The following CEP128 variants were observed in gnomAD, a reference collection of about 807,000 sequenced individuals.
CEP128 encodes centrosomal protein 128kDa.
In CEP128, 132 loss-of-function variants were observed where a neutral mutation model predicts 156.7. The ratio of observed to expected loss-of-function variants is 0.84; its 90% confidence interval spans 0.73 to 0.97. The LOEUF (loss-of-function observed/expected upper bound fraction) is 0.97, where lower values mean the gene tolerates loss of function less well. Among genes scored for constraint, CEP128 ranks in the 50% least tolerant of loss-of-function variants. CEP128 has a pLI of 0.00. For missense variants in CEP128, 1,252 were observed against 1,281.9 expected, an observed-to-expected ratio of 0.98 and a Z score of 0.36; for synonymous variants, 469 against 448.9, an observed-to-expected ratio of 1.04 and a Z score of -0.57.
intron 19 of CEP128, among the ~76,000 whole-genome samples, chr14:80,613,175 T>G (rs1268459467): frequency 6.6e-6 from 1 of 151,820 alleles, no homozygotes; most frequent in African/African-American, 2.4e-5. Flanking sequence ...TCCAAAAGTT[T>G]AGAAATAAAA....
At chr14:80,646,169 C>T (rs1380928623) in intron 19 of CEP128, among the ~76,000 whole-genome samples, 1 of 152,008 alleles carries the variant, frequency 6.6e-6, no homozygotes, top group Non-Finnish European at 1.5e-5. Flanking sequence ...ACGTAAAACG[C>T]CAAGAATGAA....
chr14:80,829,045 C>A (rs1039331814), intron 13 of CEP128, among the ~76,000 whole-genome samples: 1 of 152,004 alleles, frequency 6.6e-6, no homozygotes. Flanking sequence ...AAAGTCTGCA[C>A]GAAACATGAC....
chr14:80,705,039 T>C (rs1897194761), intron 19 of CEP128, among the ~76,000 whole-genome samples: 2 of 152,018 alleles, frequency 1.3e-5, no homozygotes, highest in South Asian at 2.1e-4. Flanking sequence ...TTTCAGTATA[T>C]ATTTCTAAAA....
chr14:80,794,993 CA>C (rs1448836061), intron 13 of CEP128, among the ~76,000 whole-genome samples: 1 of 152,180 alleles, frequency 6.6e-6, no homozygotes, highest in Non-Finnish European at 1.5e-5. Context: ...AATCCCAACA[CA>C]AATCTAAAAT....
At chr14:80,537,633 A>G (rs1424698088) in intron 21 of CEP128, among the ~76,000 whole-genome samples, 2 of 152,208 alleles carry the variant, frequency 1.3e-5, no homozygotes, top group African/African-American at 2.4e-5. Flanking sequence ...TGAACATAAA[A>G]TGTACTCACA....
intron 16 of CEP128, among the ~76,000 whole-genome samples, chr14:80,772,073 G>A (rs551001335): frequency 2.0e-5 from 3 of 152,142 alleles, no homozygotes; most frequent in Non-Finnish European, 4.4e-5. Flanking sequence ...TTACTGATAT[G>A]GACAGTACAC....
At chr14:80,732,338 A>G (rs1393013932) in intron 19 of CEP128, among the ~76,000 whole-genome samples, 1 of 152,172 alleles carries the variant, frequency 6.6e-6, no homozygotes, top group Non-Finnish European at 1.5e-5. Context: ...GAGGAAAAAA[A>G]TGGTAGGACT....
chr14:80,658,576 C>G (rs1566839330), intron 19 of CEP128, among the ~76,000 whole-genome samples: 1 of 152,098 alleles, frequency 6.6e-6, no homozygotes, highest in Non-Finnish European at 1.5e-5. Flanking sequence ...AAAAACAATA[C>G]TACAAAAGTA....
intron 19 of CEP128, among the ~76,000 whole-genome samples, chr14:80,651,229 G>GCCT: frequency 6.6e-6 from 1 of 152,060 alleles, no homozygotes; most frequent in African/African-American, 2.4e-5. Context: ...ACTCTCTGAT[G>GCCT]GTAGTTTGTA....
chr14:80,854,630 T>C (rs1887057229), intron 9 of CEP128, among the ~76,000 whole-genome samples: 1 of 152,100 alleles, frequency 6.6e-6, no homozygotes, highest in South Asian at 2.1e-4. Flanking sequence ...TGTAAATAAA[T>C]AAATAAGCCT....
At chr14:80,492,476 A>G (rs974408961), downstream of CEP128, among the ~76,000 whole-genome samples, 1 of 152,158 alleles carries the variant, frequency 6.6e-6, no homozygotes, top group Non-Finnish European at 1.5e-5. Flanking sequence ...GGCCCTAATA[A>G]AGGACAGAAA....
At position 80,914,327 on chromosome 14, in the gene CEP128, C is replaced by G. The variant is rs112492894; in HGVS notation, c.229G>C (p.Glu77Gln). The change falls in exon 4 of 25, where the codon GAA (glutamate) becomes CAA (glutamine). Residue 77 changes from glutamate (E) to glutamine (Q), a missense_variant. Transcript: ENST00000555265. The part of the protein sequence containing the change: ...EYSNGQAGAI[E>Q]HLKESLEQSI... ...AAACAAATGTAGTTTCTCACATGTT[C>G]TATCGCACCCGCCTGTCCATTACTG... 1.6e-5 allele frequency: 25 copies of G among 1,612,278 alleles called. No homozygotes were observed. In the East Asian group the frequency reaches 2.2e-4, roughly 14 times the overall value.
At chr14:80,660,052 T>C (rs1205564378) in intron 19 of CEP128, among the ~76,000 whole-genome samples, 2 of 152,160 alleles carry the variant, frequency 1.3e-5, no homozygotes, top group Non-Finnish European at 2.9e-5. Context: ...ATGTGGTAAA[T>C]GCTTACAAAT....
At chr14:80,641,385 T>C (rs1894400589) in intron 19 of CEP128, among the ~76,000 whole-genome samples, 1 of 152,248 alleles carries the variant, frequency 6.6e-6, no homozygotes, top group Non-Finnish European at 1.5e-5. Flanking sequence ...AGGGCCAGCG[T>C]GCCCTTTCCA....
At chr14:80,939,801 G>C (rs1393730913) in intron 1 of CEP128, among the ~76,000 whole-genome samples, 1 of 152,142 alleles carries the variant, frequency 6.6e-6, no homozygotes, top group Non-Finnish European at 1.5e-5. Flanking sequence ...GCTCCAGTGT[G>C]AACCGCAGCC....
intron 9 of CEP128, among the ~76,000 whole-genome samples, chr14:80,847,896 T>C (rs1223196414): frequency 1.3e-5 from 2 of 152,222 alleles, no homozygotes; most frequent in South Asian, 2.1e-4. Flanking sequence ...AGGTACATGA[T>C]AGTATTGGCC....
chr14:80,646,828 C>T (rs1490704770), intron 19 of CEP128, among the ~76,000 whole-genome samples: 1 of 151,150 alleles, frequency 6.6e-6, no homozygotes, highest in Non-Finnish European at 1.5e-5. Flanking sequence ...ATTTAGCACT[C>T]TTATTCTCTA....
At chr14:80,647,053 A>ATGTGTGTG (rs1566831557) in intron 19 of CEP128, among the ~76,000 whole-genome samples, 4 of 13,720 alleles carry the variant, frequency 2.9e-4, no homozygotes, top group Non-Finnish European at 4.0e-4. Context: ...ATATATATAT[A>ATGTGTGTG]TATATATATA....
At chr14:80,815,764 A>G (rs1884815336) in intron 13 of CEP128, among the ~76,000 whole-genome samples, 1 of 152,234 alleles carries the variant, frequency 6.6e-6, no homozygotes, top group South Asian at 2.1e-4. Flanking sequence ...CAGGGAAATC[A>G]TGTCTTTTGC....
Sources: gnomAD v4.1 joint callset for allele counts (sites outside exome capture counted in the v4.1 genomes callset) on GRCh38, gnomAD v4.1.1 for gene constraint, MANE v1.5 for transcripts, NCBI Gene and HGNC (gene_info 2026-07-23, HGNC 2026-07-21) for gene names.